FBH1: variants seen among roughly 807,000 people sequenced by gnomAD.
FBH1 encodes DNA 3'-5' helicase 1.
FBH1 carries 43 observed loss-of-function variants against 115.5 expected under a neutral mutation model. The observed-to-expected ratio is 0.37, with a 90% confidence interval of 0.29 to 0.48. The LOEUF is 0.48. Ranked by LOEUF, FBH1 falls within the 20% of genes least tolerant of loss-of-function variation. The pLI, the probability that FBH1 is intolerant of heterozygous loss-of-function variation, is 0.99. For synonymous variants in FBH1, 524 were observed against 507.8 expected (o/e 1.03, Z -0.43); for missense variants, 1,001 against 1,337.3 (o/e 0.75, Z 3.92).
rs1310115010 is a variant in FBH1, at chr10:5,931,187, G to A, written c.2829+3646G>A. Among the ~76,000 whole-genome samples, 1 of 152,220 alleles carries A rather than the reference G, an allele frequency of 6.6e-6. No individual in the cohort carries two copies. Among genetic ancestry groups the A allele is most frequent in the Non-Finnish European group, 1.5e-5 (1 of 68,036 alleles). On this transcript the variant is annotated intron_variant, in intron 19 of 20. Transcript: ENST00000362091. This position sits in a 1 kb window ranked among gnomAD's most constrained non-coding sequence, Gnocchi z 4.3. ...CCAGCCATCACGGAGCTGTCCTGGT[G>A]GCCCCTGGCCATCCTAGCACCCTCC... is the stretch of plus-strand genomic sequence containing the variant.
Position 5,890,740 on chromosome 10 carries a change from TG to T in FBH1, c.1+395del, listed in dbSNP as rs1170089302. 2.6e-5 allele frequency among the ~76,000 whole-genome samples: 4 copies of T among 152,128 alleles called. No homozygotes were observed. In the East Asian group the frequency reaches 7.7e-4, roughly 29 times the overall value. ...TGACCTTGGGCAAGTCATTTTTCGC[TG>T]CCCTCTGCCCCTGTGTCATCGGTAG... On this transcript the variant is annotated intron_variant, in intron 1 of 20. Transcript: ENST00000362091.
rs758060211 is a variant in FBH1, at chr10:5,897,639, G to A, written c.2-5381G>A. On this transcript the variant is annotated intron_variant, in intron 1 of 20. Transcript: ENST00000362091. This position sits in a 1 kb window ranked among gnomAD's most constrained non-coding sequence, Gnocchi z 4.7. The stretch of plus-strand genomic sequence containing the variant: ...TGGTAACGCCATTCCAGTTATATAG[G>A]TTACTTATCTTAGTGCACAGAGGCC... Among the ~76,000 whole-genome samples the A allele has an allele frequency of 9.9e-5, 15 of 152,164 alleles. No homozygotes were observed. Among genetic ancestry groups the A allele is most frequent in the Non-Finnish European group, 1.9e-4 (13 of 68,028 alleles).
chr10:5,895,196 C>G lies in FBH1; in HGVS notation c.1+4850C>G, dbSNP rs1320988137. ...CACAGAGCACGCTGAAAGTAAGAGGCATGTGGGAAACTGACCAGGGCGGTT... is the reference window on the plus strand; with the variant it reads ...CACAGAGCACGCTGAAAGTAAGAGGGATGTGGGAAACTGACCAGGGCGGTT... On this transcript the variant is annotated intron_variant, in intron 1 of 20. Transcript: ENST00000362091. This position sits in a 1 kb window ranked among gnomAD's most constrained non-coding sequence, Gnocchi z 5.0. The G allele has an allele frequency of 1.2e-6, 2 of 1,610,332 alleles. No individual in the cohort carries two copies.
Position 5,924,179 on chromosome 10 carries a change from T to C in FBH1, c.2399-132T>C, listed in dbSNP as rs1832487195. On this transcript the variant is annotated intron_variant, in intron 16 of 20. Coordinates refer to ENST00000362091, the MANE Select transcript of FBH1 (RefSeq NM_178150.3). This position sits in a 1 kb window ranked among gnomAD's most constrained non-coding sequence, Gnocchi z 6.2. Reference sequence around the variant, plus strand: ...GACACACAGCGAGTTAGTGATGCAGTCAGGCCTGGAACCCGGGTCTCCCCA... The same window carrying C: ...GACACACAGCGAGTTAGTGATGCAGCCAGGCCTGGAACCCGGGTCTCCCCA... The C allele has an allele frequency of 1.3e-6, 1 of 778,604 alleles. No individual in the cohort carries two copies. Among genetic ancestry groups the C allele is most frequent in the African/African-American group, 1.7e-5 (1 of 57,938 alleles). 48.2% of individuals were successfully genotyped at this position (778,604 alleles called of 1,614,324 possible). A position where few individuals can be genotyped will look rare whatever the true frequency, so the allele number is the denominator to read the frequency against.
At chr10:5,891,543 T>C (rs1842730096) in intron 1 of FBH1, among the ~76,000 whole-genome samples, 1 of 152,208 alleles carries the variant, frequency 6.6e-6, no homozygotes, top group Non-Finnish European at 1.5e-5. Context: ...TATCTTCTCT[T>C]GCATTATGTC....
At chr10:5,891,735 G>T (rs1387134453) in intron 1 of FBH1, among the ~76,000 whole-genome samples, 1 of 152,106 alleles carries the variant, frequency 6.6e-6, no homozygotes, top group Non-Finnish European at 1.5e-5. Flanking sequence ...TCAGCCTCCC[G>T]AGTAGCTGGG....
chr10:5,919,438 G>A (rs61834499), intron 13 of FBH1, among the ~76,000 whole-genome samples: 18,996 of 152,038 alleles, frequency 0.12, 1,264 homozygotes, highest in East Asian at 0.15. Flanking sequence ...GTGAGCCGAG[G>A]TCGCACCATT....
In FBH1 at chr10:5,935,807, C is replaced by G. The variant is rs1833303216; in HGVS notation, c.2830-649C>G. ...TATCAGTCTGTGATGTGGAGCCCCACAGGGCAGCAGCGAAGCTGACAGTGC... is the reference window on the plus strand; with the variant it reads ...TATCAGTCTGTGATGTGGAGCCCCAGAGGGCAGCAGCGAAGCTGACAGTGC... On this transcript the variant is annotated intron_variant, in intron 19 of 20. Transcript: ENST00000362091. This position sits in a 1 kb window ranked among gnomAD's most constrained non-coding sequence, Gnocchi z 5.2. The G allele has an allele frequency of 6.6e-6, 1 of 152,480 alleles. No homozygotes were observed. Among genetic ancestry groups the G allele is most frequent in the Non-Finnish European group, 1.5e-5 (1 of 68,228 alleles). 9.4% of individuals were successfully genotyped at this position (152,480 alleles called of 1,614,324 possible).
At position 5,933,744 on chromosome 10, in the gene FBH1, G is replaced by T. The variant is rs1306275691; in HGVS notation, c.2830-2712G>T. Reference sequence around the variant, plus strand: ...CGCAACCTCGGCCTCCTGGGTTCAAGCTGTTCTCCTGTGTCAGCCTCTCAA... The same window carrying T: ...CGCAACCTCGGCCTCCTGGGTTCAATCTGTTCTCCTGTGTCAGCCTCTCAA... On this transcript the variant is annotated intron_variant, in intron 19 of 20. Coordinates refer to ENST00000362091, the MANE Select transcript of FBH1 (RefSeq NM_178150.3). The surrounding 1 kb of genome is among the most constrained non-coding windows in gnomAD (Gnocchi z 4.9). Among the ~76,000 whole-genome samples the T allele has an allele frequency of 6.6e-6, 1 of 151,970 alleles. No homozygotes were observed. The highest frequency in any genetic ancestry group is 1.5e-5 in the Non-Finnish European group (1 of 67,996).
chr10:5,908,355 C>T (rs1843853567), intron 3 of FBH1, among the ~76,000 whole-genome samples: 2 of 152,064 alleles, frequency 1.3e-5, no homozygotes, highest in South Asian at 2.1e-4. Context: ...TTATTTTGTT[C>T]CCATTGAAAC....
chr10:5,936,380 C>T lies in FBH1; in HGVS notation c.2830-76C>T. On this transcript the variant is annotated intron_variant, in intron 19 of 20. Transcript: ENST00000362091. The surrounding 1 kb of genome is among the most constrained non-coding windows in gnomAD (Gnocchi z 5.6). The stretch of plus-strand genomic sequence containing the variant: ...GTGCATCTAAAGGGTTCTCACAGAG[C>T]CGCCGCTATCAGTGTTTCCAGTAGA... The T allele has an allele frequency of 1.9e-6, 3 of 1,546,922 alleles. No homozygotes were observed. The highest frequency in any genetic ancestry group is 1.8e-6 in the Non-Finnish European group (2 of 1,135,012).
At chr10:5,896,117 A>T (rs554563943) in intron 1 of FBH1, among the ~76,000 whole-genome samples, 1 of 152,292 alleles carries the variant, frequency 6.6e-6, no homozygotes, top group South Asian at 2.1e-4. Flanking sequence ...CCCCTTGTGC[A>T]CTTTGAGGAA....
In FBH1 at chr10:5,930,180, C is replaced by T. The variant is rs138681097; in HGVS notation, c.2829+2639C>T. Among the ~76,000 whole-genome samples, 106 of 152,268 alleles carry T rather than the reference C, an allele frequency of 7.0e-4. 2 individuals are homozygous for T. In the East Asian group the frequency reaches 0.015, roughly 21 times the overall value. On this transcript the variant is annotated intron_variant, in intron 19 of 20. Transcript: ENST00000362091. ...ACTTTTTTCCCCATAACTACCATGCCATTTTCGTATTTTATAAATGTTATC... is the reference window on the plus strand; with the variant it reads ...ACTTTTTTCCCCATAACTACCATGCTATTTTCGTATTTTATAAATGTTATC...
rs143782854 is a variant in FBH1, at chr10:5,906,211, C to G, written c.332C>G (p.Pro111Arg). 12 of 1,614,188 alleles carry G rather than the reference C, an allele frequency of 7.4e-6. No homozygotes were observed. The highest frequency in any genetic ancestry group is 1.6e-4 in the Middle Eastern group (1 of 6,062). ...CTGCCTCAGGAAGGCAGTGCAGGGC[C>G]GGGCTCACCAGGGTCTGCCCCGCCC... is the stretch of plus-strand genomic sequence containing the variant. ...CALPQEGSAG[P>R]GSPGSAPPSR... The change falls in exon 3 of 21, where the codon CCG (proline) becomes CGG (arginine). Residue 111 changes from proline to arginine, a missense_variant. Pro to Arg is a moderately radical substitution (Grantham distance 103). This residue lies in a region of FBH1 where 420 missense variants were observed against 430.4 expected (regional missense o/e 0.98). Transcript: ENST00000362091. This position sits in a 1 kb window ranked among gnomAD's most constrained non-coding sequence, Gnocchi z 7.3.
chr10:5,917,076 CT>C lies in FBH1; in HGVS notation c.1789-337del, dbSNP rs1310459090. On this transcript the variant is annotated intron_variant, in intron 10 of 20. Transcript: ENST00000362091. This position sits in a 1 kb window ranked among gnomAD's most constrained non-coding sequence, Gnocchi z 5.6. Reference sequence around the variant, plus strand: ...ATTTTGCTAGTGGGAAAGTCTGTTTCTTTTTTTCATCAAGTCTTTTCAATCA... The same window carrying C: ...ATTTTGCTAGTGGGAAAGTCTGTTTCTTTTTTCATCAAGTCTTTTCAATCA... The C allele has an allele frequency of 1.2e-5, 3 of 255,154 alleles. No individual in the cohort carries two copies. Among genetic ancestry groups the C allele is most frequent in the Non-Finnish European group, 2.3e-5 (3 of 129,818 alleles). 15.8% of individuals were successfully genotyped at this position (255,154 alleles called of 1,614,324 possible). A position where few individuals can be genotyped will look rare whatever the true frequency, so the allele number is the denominator to read the frequency against.
rs917969790 is a variant in FBH1, at chr10:5,923,561, C to CAAACA, written c.2323-46_2323-42dup. On this transcript the variant is annotated intron_variant, in intron 15 of 20. Coordinates refer to ENST00000362091, the MANE Select transcript of FBH1 (RefSeq NM_178150.3). This position sits in a 1 kb window ranked among gnomAD's most constrained non-coding sequence, Gnocchi z 5.7. ...TTATTTTGTTTTGTTAAAGCAACAA[C>CAAACA]AAACAAAACAAAACAAAAAACAACA... is the stretch of plus-strand genomic sequence containing the variant. The CAAACA allele has an allele frequency of 1.6e-5, 23 of 1,425,854 alleles. No homozygotes were observed. The Admixed American group carries it at 2.7e-4, about 17-fold the overall frequency. The allele number at this position is 1,425,854 out of a possible 1,614,324, so 88.3% of individuals were successfully genotyped here.
Position 5,931,207 on chromosome 10 carries a change from C to T in FBH1, c.2829+3666C>T. Among the ~76,000 whole-genome samples the T allele has an allele frequency of 6.6e-6, 1 of 152,206 alleles. No homozygotes were observed. Among genetic ancestry groups the T allele is most frequent in the East Asian group, 1.9e-4 (1 of 5,206 alleles). The stretch of plus-strand genomic sequence containing the variant: ...CTGGTGGCCCCTGGCCATCCTAGCA[C>T]CCTCCCTCCTTTCTGAGGGTAACTG... On this transcript the variant is annotated intron_variant, in intron 19 of 20. Transcript: ENST00000362091. This position sits in a 1 kb window ranked among gnomAD's most constrained non-coding sequence, Gnocchi z 4.3.
rs2274033 is a variant in FBH1 at position 5,937,154 on chromosome 10, T to C, written c.3006T>C (p.Cys1002=). The change falls in exon 21 of 21, where the codon TGT becomes TGC. Residue 1002 remains cysteine (C), a synonymous_variant. Transcript: ENST00000362091. ...AGGGGGGCTACCTCTGCCACTCCTG[T>C]GCGGAGCAGCGCATCGGGCCCCTGG... ...ENKGGYLCHS[C]AEQRIGPLAF... is the part of the protein sequence containing the mutation. 0.042 allele frequency: 67,311 copies of C among 1,613,662 alleles called. 1,964 individuals are homozygous for C. The highest frequency in any genetic ancestry group is 0.13 in the East Asian group (5,685 of 44,860).
chr10:5,921,729 C>T lies in FBH1; in HGVS notation c.2322+160C>T, dbSNP rs17146333. Among the ~76,000 whole-genome samples the T allele has an allele frequency of 0.034, 5,230 of 152,316 alleles. 167 individuals are homozygous for T. Among genetic ancestry groups the T allele is most frequent in the East Asian group, 0.14 (701 of 5,186 alleles). ...ACCATGAGTGGTCTCTATCCCAGGC[C>T]ATTCTGATTATGCCAGCGAAACATT... is the stretch of plus-strand genomic sequence containing the variant. On this transcript the variant is annotated intron_variant, in intron 15 of 20. Transcript: ENST00000362091. The surrounding 1 kb of genome is among the most constrained non-coding windows in gnomAD (Gnocchi z 6.4).
Sources: gnomAD v4.1 joint callset for allele counts (sites outside exome capture counted in the v4.1 genomes callset) on GRCh38, gnomAD v4.1.1 for gene constraint, gnomAD v4.1.1 regional missense constraint, Gnocchi (gnomAD v3.1) non-coding constraint, MANE v1.5 for transcripts, NCBI Gene and HGNC (gene_info 2026-07-23, HGNC 2026-07-21) for gene names.